The following DGKZ variants were observed in gnomAD, a reference collection of about 807,000 sequenced individuals.
DGKZ encodes the protein DAG kinase zeta.
DGKZ carries 45 observed loss-of-function variants against 142.5 expected under a neutral mutation model. The ratio of observed to expected loss-of-function variants is 0.32; its 90% confidence interval spans 0.25 to 0.40. DGKZ has a LOEUF of 0.40. Ranked by LOEUF, DGKZ falls within the 10% of genes least tolerant of loss-of-function variation. DGKZ has a pLI of 1.00. For synonymous variants in DGKZ, 442 were observed against 527.0 expected (o/e 0.84, Z 2.21); for missense variants, 755 against 1,306.5 (o/e 0.58, Z 6.51).
intron 4 of DGKZ, chr11:46,369,002 T>G: frequency 1.6e-5 from 3 of 188,076 alleles, no homozygotes; most frequent in South Asian, 8.3e-5. Context: ...AGGTCAGGAG[T>G]TTGAGACCAG....
exon 5 of DGKZ, chr11:46,369,502 C>T (rs2136472990): frequency 6.2e-7 from 1 of 1,613,932 alleles, no homozygotes; most frequent in Admixed American, 1.7e-5. Flanking sequence ...AGATAAATTT[C>T]CGCTGTAAGC....
rs570167874 is a variant in DGKZ, at chr11:46,363,182, C to G, written c.162-4109C>G. ...GGCCCAGGGCGGGCTCCAACAAGGC[C>G]CAGGAGAAGCCCCAGCAGAGATAGG... On this transcript the variant is annotated intron_variant, in intron 1 of 30. Transcript: ENST00000527911. 1.1e-4 allele frequency among the ~76,000 whole-genome samples: 17 copies of G among 152,320 alleles called. No individual in the cohort carries two copies. In the South Asian group the frequency reaches 2.5e-3, roughly 22 times the overall value.
intron 1 of DGKZ, chr11:46,333,614 G>A (rs1939872769): frequency 2.3e-6 from 2 of 861,362 alleles, no homozygotes; most frequent in Non-Finnish European, 3.6e-6. Flanking sequence ...TGACTGCCGA[G>A]GGATCTCTGT....
chr11:46,347,360 GGGCGCTGCGGGCCC>G, upstream of DGKZ: 1 of 984,488 alleles, frequency 1.0e-6, no homozygotes, highest in Non-Finnish European at 1.2e-6. This position sits in a 1 kb window ranked among gnomAD's most constrained non-coding sequence, Gnocchi z 6.4. Flanking sequence ...GTCCGGCAGA[GGGCGCTGCGGGCCC>G]GGTGCCACCG....
At chr11:46,349,414 G>A (rs1941086977) in intron 1 of DGKZ, among the ~76,000 whole-genome samples, 1 of 152,180 alleles carries the variant, frequency 6.6e-6, no homozygotes, top group Non-Finnish European at 1.5e-5. Context: ...TCTGACCTGT[G>A]GCTGTGCCCC....
chr11:46,342,993 G>A (rs766496029), upstream of DGKZ, among the ~76,000 whole-genome samples: 8 of 152,068 alleles, frequency 5.3e-5, no homozygotes, highest in African/African-American at 1.7e-4. Context: ...GCATGGTAGC[G>A]CACGCCTGTG....
chr11:46,346,726 G>C (rs1321469310), upstream of DGKZ, among the ~76,000 whole-genome samples: 1 of 152,138 alleles, frequency 6.6e-6, no homozygotes, highest in Non-Finnish European at 1.5e-5. Flanking sequence ...GAGTGTGTAA[G>C]GGCTGTGCAG....
chr11:46,347,423 G>C (rs1346062433), upstream of DGKZ: 2 of 982,444 alleles, frequency 2.0e-6, no homozygotes, highest in East Asian at 2.3e-4. This position sits in a 1 kb window ranked among gnomAD's most constrained non-coding sequence, Gnocchi z 6.4. Context: ...GGCAGGCAGC[G>C]GCCCGGCCAG....
Position 46,372,721 on chromosome 11 carries a change from G to A in DGKZ, c.1071+44G>A. Reference sequence around the variant, plus strand: ...CCAGCCGAGCACCAGGGCTGGGCCTGAAGCCGGGGTCCCTGTGGGCCTGAT... The same window carrying A: ...CCAGCCGAGCACCAGGGCTGGGCCTAAAGCCGGGGTCCCTGTGGGCCTGAT... On this transcript the variant is annotated intron_variant, in intron 12 of 30. Coordinates refer to ENST00000527911, the Ensembl canonical transcript of DGKZ. The surrounding 1 kb of genome is among the most constrained non-coding windows in gnomAD (Gnocchi z 5.9). 1 of 1,611,734 alleles carries A rather than the reference G, an allele frequency of 6.2e-7. No individual in the cohort carries two copies.
Position 46,347,850 on chromosome 11 carries a change from G to A in DGKZ, c.161+30G>A. The A allele has an allele frequency of 1.6e-6, 2 of 1,275,818 alleles. No homozygotes were observed. Among genetic ancestry groups the A allele is most frequent in the East Asian group, 3.2e-5 (1 of 31,716 alleles). 79.0% of individuals were successfully genotyped at this position (1,275,818 alleles called of 1,614,324 possible). A position where few individuals can be genotyped will look rare whatever the true frequency, so the allele number is the denominator to read the frequency against. On this transcript the variant is annotated intron_variant, in intron 1 of 30. Transcript: ENST00000527911. This position sits in a 1 kb window ranked among gnomAD's most constrained non-coding sequence, Gnocchi z 6.4. Reference sequence around the variant, plus strand: ...GCGGGGCGGCGGCGGGGCAGGCACCGAGGCACCGGCAGGTTACCGCTCCCT... The same window carrying A: ...GCGGGGCGGCGGCGGGGCAGGCACCAAGGCACCGGCAGGTTACCGCTCCCT...
chr11:46,371,451 A>G, intron 7 of DGKZ, 36 bp from the exon 8 acceptor site: 2 of 1,605,416 alleles, frequency 1.2e-6, no homozygotes, highest in South Asian at 2.2e-5. Flanking sequence ...GAGTCTGAAC[A>G]CGGTCCCGCT....
At chr11:46,377,653 C>A (rs1944708293) in intron 25 of DGKZ, 1 of 225,562 alleles carries the variant, frequency 4.4e-6, no homozygotes, top group South Asian at 7.5e-5. Context: ...TCTCAGCAGC[C>A]CTTTGGACGT....
chr11:46,373,468 TTTTC>T (rs1413410989), intron 14 of DGKZ, among the ~76,000 whole-genome samples: 1 of 146,910 alleles, frequency 6.8e-6, no homozygotes, highest in Admixed American at 6.8e-5. Flanking sequence ...TGTTTTTCTG[TTTTC>T]TTTTTTTTTT....
In DGKZ at chr11:46,366,052, A is replaced by C. The variant is rs1214892725; in HGVS notation, c.162-1239A>C. ...TCCCCTGAGCACCCCTGGGATCCTC[A>C]CATGGAGGTCAGAGGCTGCAGTGAC... On this transcript the variant is annotated intron_variant, in intron 1 of 30. Transcript: ENST00000527911. The C allele has an allele frequency of 1.3e-5, 13 of 985,360 alleles. No individual in the cohort carries two copies. The East Asian group carries it at 1.5e-3, about 112-fold the overall frequency. 61.0% of individuals were successfully genotyped at this position (985,360 alleles called of 1,614,324 possible).
In DGKZ at chr11:46,374,834, C is replaced by T. The variant is rs1157822648; in HGVS notation, c.1593C>T (p.Ile531=). 5 of 1,591,352 alleles carry T rather than the reference C, an allele frequency of 3.1e-6. No homozygotes were observed. In the South Asian group the frequency reaches 5.7e-5, roughly 18 times the overall value. Reference sequence around the variant, plus strand: ...CCCAGTGTGTTGTTTTCCTGAACATCCCCAGGTGAGGAGGGGGCTACCGGA... The same window carrying T: ...CCCAGTGTGTTGTTTTCCTGAACATTCCCAGGTGAGGAGGGGGCTACCGGA... Residue 531 remains isoleucine, a synonymous_variant, in exon 18 of 31, where the codon ATC becomes ATT. Transcript: ENST00000527911.
Position 46,350,855 on chromosome 11 carries a change from C to CTT in DGKZ, c.161+3049_161+3050dup, listed in dbSNP as rs34476722. Reference sequence around the variant, plus strand: ...CGGGGGGTGGCAGCTTGCCATCTCCCTTTTTTTTTTTTTTTAGCTCAGTGA... The same window carrying CTT: ...CGGGGGGTGGCAGCTTGCCATCTCCCTTTTTTTTTTTTTTTTTAGCTCAGTGA... On this transcript the variant is annotated intron_variant, in intron 1 of 30. Coordinates refer to ENST00000527911, the Ensembl canonical transcript of DGKZ. Among the ~76,000 whole-genome samples the CTT allele has an allele frequency of 9.8e-3, 1,379 of 141,334 alleles. 27 individuals are homozygous for CTT. The highest frequency in any genetic ancestry group is 0.026 in the African/African-American group (1,000 of 37,992). The allele number at this position is 141,334 out of a possible 152,430, so 92.7% of individuals were successfully genotyped here. A position where few individuals can be genotyped will look rare whatever the true frequency, so the allele number is the denominator to read the frequency against.
At chr11:46,357,344 T>C (rs1942146743) in intron 1 of DGKZ, among the ~76,000 whole-genome samples, 1 of 151,948 alleles carries the variant, frequency 6.6e-6, no homozygotes, top group African/African-American at 2.4e-5. Flanking sequence ...ATGGAGAACA[T>C]GGAGCGGGCG....
chr11:46,351,323 C>T (rs533468601), intron 1 of DGKZ, among the ~76,000 whole-genome samples: 10 of 152,192 alleles, frequency 6.6e-5, no homozygotes, highest in Non-Finnish European at 1.2e-4. Context: ...GCGTCTGTGC[C>T]GCCATCCCCT....
chr11:46,347,405 C>A (rs1415716262), upstream of DGKZ: 14 of 983,258 alleles, frequency 1.4e-5, no homozygotes, highest in Non-Finnish European at 1.7e-5. The surrounding 1 kb of genome is among the most constrained non-coding windows in gnomAD (Gnocchi z 6.4). Context: ...GGGGCGTGCT[C>A]GGCGGCGGGC....
Sources: gnomAD v4.1 joint callset for allele counts (sites outside exome capture counted in the v4.1 genomes callset) on GRCh38, gnomAD v4.1.1 for gene constraint, Gnocchi (gnomAD v3.1) non-coding constraint, MANE v1.5 for transcripts, NCBI Gene and HGNC (gene_info 2026-07-23, HGNC 2026-07-21) for gene names.